PNPLA1: variants seen among roughly 807,000 people sequenced by gnomAD.
PNPLA1 encodes the protein patatin like domain 1, omega-hydroxyceramide transacylase, also known as omega-hydroxyceramide transacylase.
PNPLA1 carries 36 observed loss-of-function variants against 51.7 expected under a neutral mutation model. That is an observed-to-expected ratio of 0.70 (90% confidence interval 0.53 to 0.92). The LOEUF (loss-of-function observed/expected upper bound fraction) is 0.92, where lower values mean the gene tolerates loss of function less well. Among genes scored for constraint, PNPLA1 ranks in the 40% least tolerant of loss-of-function variants. The pLI is 0.00. For missense variants in PNPLA1, 658 were observed against 682.5 expected, an observed-to-expected ratio of 0.96 and a Z score of 0.40; for synonymous variants, 293 against 280.1, an observed-to-expected ratio of 1.05 and a Z score of -0.46.
At chr6:36,250,502 G>T (rs775444077) in intron 1 of PNPLA1, among the ~76,000 whole-genome samples, 25 of 152,294 alleles carry the variant, frequency 1.6e-4, no homozygotes, top group Non-Finnish European at 2.9e-4. Flanking sequence ...ACCCATGCTT[G>T]TTTAAGCCAA....
At chr6:36,300,356 G>A (rs557882064) in intron 5 of PNPLA1, among the ~76,000 whole-genome samples, 3 of 151,900 alleles carry the variant, frequency 2.0e-5, no homozygotes, top group African/African-American at 7.3e-5. Flanking sequence ...CACTACCCCC[G>A]GCTAATTTTT....
intron 2 of PNPLA1, among the ~76,000 whole-genome samples, chr6:36,292,832 G>T (rs1391543774): frequency 6.6e-6 from 1 of 152,190 alleles, no homozygotes; most frequent in African/African-American, 2.4e-5. Context: ...ACCCCCTCCT[G>T]CTTTAAAGCT....
At chr6:36,297,817 C>CA (rs1462937144) in intron 5 of PNPLA1, among the ~76,000 whole-genome samples, 2 of 152,062 alleles carry the variant, frequency 1.3e-5, no homozygotes, top group African/African-American at 4.8e-5. Flanking sequence ...CCTCCTCCCC[C>CA]ACTCCCTTCT....
chr6:36,306,444 T>C, intron 7 of PNPLA1, 68 bp downstream of exon 7: 1 of 1,391,758 alleles, frequency 7.2e-7, no homozygotes, highest in Non-Finnish European at 1.0e-6. Flanking sequence ...CTAAGCGATA[T>C]CTTCCACCAC....
chr6:36,244,257 C>T (rs1769214350), intron 1 of PNPLA1, among the ~76,000 whole-genome samples: 1 of 151,930 alleles, frequency 6.6e-6, no homozygotes, highest in African/African-American at 2.4e-5. Flanking sequence ...GTTTTCCTTC[C>T]TAGAGAAAAG....
chr6:36,280,579 T>C (rs1009932050), intron 1 of PNPLA1, among the ~76,000 whole-genome samples: 2 of 152,168 alleles, frequency 1.3e-5, no homozygotes, highest in African/African-American at 4.8e-5. Context: ...GGGTCCTAGC[T>C]TTAAGCAGAG....
chr6:36,282,110 A>G (rs1183568468), intron 1 of PNPLA1, among the ~76,000 whole-genome samples: 4 of 144,022 alleles, frequency 2.8e-5, no homozygotes, highest in African/African-American at 1.1e-4. Context: ...GGAAGGAAGG[A>G]AGGAAGGAAG....
chr6:36,291,347 G>T lies in PNPLA1; in HGVS notation c.233G>T (p.Gly78Val), dbSNP rs1232376773. ...GAGTATCTCAGAGTCCTCAACGTGG[G>T]TGTGGCCGAGGTGAAGAAATCCTTC... is the stretch of plus-strand genomic sequence containing the variant. ...MDEYLRVLNV[G>V]VAEVKKSFLG... is the part of the protein sequence containing the mutation. The change falls in exon 2 of 9, where the codon GGT (glycine) becomes GTT (valine). Residue 78 changes from glycine to valine, a missense_variant. Coordinates refer to ENST00000636260, the MANE Select transcript of PNPLA1 (RefSeq NM_001374623.1). The T allele has an allele frequency of 3.7e-6, 6 of 1,614,026 alleles. No homozygotes were observed. The highest frequency in any genetic ancestry group is 5.1e-6 in the Non-Finnish European group (6 of 1,180,020).
At position 36,313,831 on chromosome 6, in the gene PNPLA1, A is replaced by T. The variant is rs918307390; in HGVS notation, c.*1945A>T. Among the ~76,000 whole-genome samples, 1 of 152,196 alleles carries T rather than the reference A, an allele frequency of 6.6e-6. No individual in the cohort carries two copies. The highest frequency in any genetic ancestry group is 1.5e-5 in the Non-Finnish European group (1 of 68,026). Reference sequence around the variant, plus strand: ...AGCCCAGGAATGCTTGTTCCCTGGGACCCAAGGAAGACTCGAACTTAATCA... The same window carrying T: ...AGCCCAGGAATGCTTGTTCCCTGGGTCCCAAGGAAGACTCGAACTTAATCA... On this transcript the variant is annotated 3_prime_UTR_variant, in exon 9 of 9. Coordinates refer to ENST00000636260, the MANE Select transcript of PNPLA1 (RefSeq NM_001374623.1).
At chr6:36,261,864 T>C (rs980435360) in intron 1 of PNPLA1, among the ~76,000 whole-genome samples, 7 of 152,240 alleles carry the variant, frequency 4.6e-5, no homozygotes, top group African/African-American at 1.7e-4. Context: ...GAAAGGCGGC[T>C]GGACTTAACC....
At chr6:36,302,917 C>A (rs1483632543) in intron 6 of PNPLA1, among the ~76,000 whole-genome samples, 1 of 152,134 alleles carries the variant, frequency 6.6e-6, no homozygotes, top group Non-Finnish European at 1.5e-5. Flanking sequence ...GGTCCGCAGA[C>A]CAACCCAGCC....
At chr6:36,282,088 A>AAG (rs1770312237) in intron 1 of PNPLA1, among the ~76,000 whole-genome samples, 156 of 98,856 alleles carry the variant, frequency 1.6e-3, no homozygotes, top group Non-Finnish European at 1.7e-3. Flanking sequence ...AAAGAAAGAA[A>AAG]GAAGGAAGGA....
At chr6:36,299,124 C>T (rs971084825) in intron 5 of PNPLA1, among the ~76,000 whole-genome samples, 17 of 152,160 alleles carry the variant, frequency 1.1e-4, no homozygotes, top group South Asian at 1.0e-3. Flanking sequence ...TTCCATCTTT[C>T]GGCTATTGTG....
intron 7 of PNPLA1, among the ~76,000 whole-genome samples, chr6:36,306,768 T>A (rs1314131906): frequency 6.6e-6 from 1 of 152,110 alleles, no homozygotes; most frequent in Non-Finnish European, 1.5e-5. Flanking sequence ...GAATTAAGGG[T>A]CTCTATCAAA....
Position 36,311,746 on chromosome 6 carries a change from C to CGGCT in PNPLA1, c.1596-16_1596-13dup, listed in dbSNP as rs1561876504. ...TCCCTTCTTTTCACCTGTTCTTCCT[C>CGGCT]GGCTTCTCCTATCCAGGTCTGCTCC... On this transcript the variant is annotated splice_polypyrimidine_tract_variant and intron_variant, in intron 8 of 8. Transcript: ENST00000636260. The CGGCT allele has an allele frequency of 6.5e-6, 1 of 152,740 alleles. No homozygotes were observed. Among genetic ancestry groups the CGGCT allele is most frequent in the Non-Finnish European group, 1.5e-5 (1 of 68,124 alleles). The allele number at this position is 152,740 out of a possible 1,614,324, so 9.5% of individuals were successfully genotyped here.
At chr6:36,300,244 G>C (rs2127350587) in intron 5 of PNPLA1, among the ~76,000 whole-genome samples, 1 of 145,256 alleles carries the variant, frequency 6.9e-6, no homozygotes, top group African/African-American at 2.5e-5. Flanking sequence ...ACCCAGGCTG[G>C]AGTGCAGTGG....
At chr6:36,289,552 G>A (rs1412650793) in intron 1 of PNPLA1, among the ~76,000 whole-genome samples, 2 of 151,980 alleles carry the variant, frequency 1.3e-5, no homozygotes, top group African/African-American at 4.8e-5. Flanking sequence ...TGACAATTAC[G>A]ATGCTGCATT....
upstream of PNPLA1, among the ~76,000 whole-genome samples, chr6:36,267,864 C>T (rs565456456): frequency 6.6e-6 from 1 of 152,084 alleles, no homozygotes; most frequent in Non-Finnish European, 1.5e-5. Context: ...ACCCAGCTTC[C>T]CCAGGTCTGT....
chr6:36,269,808 G>GA (rs200559483), upstream of PNPLA1, among the ~76,000 whole-genome samples: 1,067 of 152,292 alleles, frequency 7.0e-3, 9 homozygotes, highest in African/African-American at 0.022. Context: ...GTTTATGTAA[G>GA]AAAAACAAAT....
Sources: gnomAD v4.1 joint callset for allele counts (sites outside exome capture counted in the v4.1 genomes callset) on GRCh38, gnomAD v4.1.1 for gene constraint, MANE v1.5 for transcripts, NCBI Gene and HGNC (gene_info 2026-07-23, HGNC 2026-07-21) for gene names.